The following MYO1E variants were observed in gnomAD, a reference collection of about 807,000 sequenced individuals.
MYO1E encodes unconventional myosin-Ie.
In MYO1E, 68 loss-of-function variants were observed where a neutral mutation model predicts 151.1. That is an observed-to-expected ratio of 0.45 (90% CI 0.37 to 0.55). The LOEUF (loss-of-function observed/expected upper bound fraction) is 0.55, where lower values mean the gene tolerates loss of function less well. Ranked by LOEUF, MYO1E falls within the 20% of genes least tolerant of loss-of-function variation. MYO1E has a pLI of 0.00. For synonymous variants in MYO1E, 601 were observed against 501.7 expected (o/e 1.20, Z -2.64); for missense variants, 1,363 against 1,389.3 (o/e 0.98, Z 0.30).
At chr15:59,182,882 G>A (rs1447999789) in intron 18 of MYO1E, among the ~76,000 whole-genome samples, 5 of 152,198 alleles carry the variant, frequency 3.3e-5, no homozygotes, top group South Asian at 2.1e-4. Flanking sequence ...TTCTATGGAC[G>A]GGGTTGTGGG....
chr15:59,336,740 C>T (rs1332191665), intron 1 of MYO1E, among the ~76,000 whole-genome samples: 1 of 151,954 alleles, frequency 6.6e-6, no homozygotes, highest in Non-Finnish European at 1.5e-5. Flanking sequence ...CCTACCCCTC[C>T]CCTAGCCCCC....
In MYO1E at chr15:59,178,459, C is replaced by G. The variant is rs753049686; in HGVS notation, c.1983G>C (p.Ser661=). The G allele has an allele frequency of 1.9e-6, 3 of 1,614,180 alleles. No individual in the cohort carries two copies. Among genetic ancestry groups the G allele is most frequent in the Admixed American group, 1.7e-5 (1 of 60,028 alleles). ...GGAACTGGTCGCTGTCCATGTTGAC[C>G]GACTGCAGCAGGTGCAGGACGCCTT... ...EKQGVLHLLQ[S]VNMDSDQFQL... is the part of the protein sequence containing the mutation. The change falls in exon 19 of 28, where the codon TCG becomes TCC. Residue 661 remains serine, a synonymous_variant. Coordinates refer to ENST00000288235, the MANE Select transcript of MYO1E (RefSeq NM_004998.4).
intron 1 of MYO1E, among the ~76,000 whole-genome samples, chr15:59,313,789 G>A (rs1222487816): frequency 1.3e-5 from 2 of 152,246 alleles, no homozygotes; most frequent in South Asian, 2.1e-4. Flanking sequence ...ATTATAGGGA[G>A]AGAGGGAGGG....
At chr15:59,366,916 G>GA (rs1234083660) in intron 1 of MYO1E, among the ~76,000 whole-genome samples, 2 of 78,972 alleles carry the variant, frequency 2.5e-5, no homozygotes, top group African/African-American at 1.0e-4. Flanking sequence ...GTGAGAAAAA[G>GA]AAAAAAAAAG....
At chr15:59,325,631 C>G (rs1454749364) in intron 1 of MYO1E, among the ~76,000 whole-genome samples, 2 of 152,142 alleles carry the variant, frequency 1.3e-5, no homozygotes, top group African/African-American at 4.8e-5. Flanking sequence ...TGAAGGAATA[C>G]TAAGATTTTT....
intron 15 of MYO1E, among the ~76,000 whole-genome samples, chr15:59,204,513 T>C (rs907640264): frequency 1.3e-5 from 2 of 152,222 alleles, no homozygotes; most frequent in Non-Finnish European, 2.9e-5. Flanking sequence ...TGCATGGGCC[T>C]TGCCTCGCAA....
chr15:59,209,197 G>A (rs979023729), intron 13 of MYO1E, among the ~76,000 whole-genome samples: 1 of 152,176 alleles, frequency 6.6e-6, no homozygotes, highest in Non-Finnish European at 1.5e-5. Context: ...ATTTCTTAAT[G>A]TTCTCTTTCA....
In MYO1E at chr15:59,223,185, T is replaced by A. The variant is rs1471326207; in HGVS notation, c.784A>T (p.Met262Leu). The A allele has an allele frequency of 1.2e-6, 2 of 1,614,140 alleles. No homozygotes were observed. Among genetic ancestry groups the A allele is most frequent in the Non-Finnish European group, 1.7e-6 (2 of 1,180,036 alleles). Residue 262 changes from methionine to leucine, a missense_variant, in exon 9 of 28, where the codon ATG becomes TTG. By Grantham distance (15) the Met-to-Leu change is conservative. Coordinates refer to ENST00000288235, the MANE Select transcript of MYO1E (RefSeq NM_004998.4). Reference protein sequence around the residue: ...RREFQETLHAMNVIGIFAEEQ... With the variant: ...RREFQETLHALNVIGIFAEEQ... ...TCTGCAAAGATCCCAATCACATTCA[T>A]GGCGTGCTGGAAGAGAAAAGAGAAA...
chr15:59,370,074 G>A (rs2080936238), intron 1 of MYO1E, among the ~76,000 whole-genome samples: 1 of 152,070 alleles, frequency 6.6e-6, no homozygotes, highest in African/African-American at 2.4e-5. Flanking sequence ...GCCTCCCAAA[G>A]TGCTGGGATT....
At position 59,132,614 on chromosome 15, in the gene MYO1E, C is replaced by A. The variant is rs1278758607; in HGVS notation, c.*4766G>T. 2 of 152,140 alleles carry A rather than the reference C, an allele frequency of 1.3e-5. No individual in the cohort carries two copies. Among genetic ancestry groups the A allele is most frequent in the Non-Finnish European group, 2.9e-5 (2 of 68,032 alleles). 9.4% of individuals were successfully genotyped at this position (152,140 alleles called of 1,614,324 possible). A position where few individuals can be genotyped will look rare whatever the true frequency, so the allele number is the denominator to read the frequency against. On this transcript the variant is annotated 3_prime_UTR_variant, in exon 28 of 28. Transcript: ENST00000288235. ...AGAAGTAGAAACCATATCATAAAAA[C>A]ACGGAAATTAAAAATGAGATGATGT...
At chr15:59,335,891 C>T (rs149308344) in intron 1 of MYO1E, among the ~76,000 whole-genome samples, 1 of 152,052 alleles carries the variant, frequency 6.6e-6, no homozygotes, top group East Asian at 1.9e-4. Context: ...ATAAGCGGTG[C>T]TGTCTGCACA....
At chr15:59,168,962 G>C (rs1429705032) in intron 22 of MYO1E, among the ~76,000 whole-genome samples, 1 of 152,168 alleles carries the variant, frequency 6.6e-6, no homozygotes, top group East Asian at 1.9e-4. Context: ...ATTATTAAAA[G>C]ATAAAGTCTC....
rs149955976 is a variant in MYO1E at position 59,343,804 on chromosome 15, G to A, written c.3+28694C>T. On this transcript the variant is annotated intron_variant, in intron 1 of 27. Coordinates refer to ENST00000288235, the MANE Select transcript of MYO1E (RefSeq NM_004998.4). The stretch of plus-strand genomic sequence containing the variant: ...AGTTCTGCTACTAACAGACTCTGAC[G>A]CATTCTTCAGTACGTCAATTGCATT... Among the ~76,000 whole-genome samples the A allele has an allele frequency of 3.5e-3, 528 of 151,980 alleles. 3 individuals carry two copies. Among genetic ancestry groups the A allele is most frequent in the African/African-American group, 0.012 (489 of 41,416 alleles).
chr15:59,267,036 T>G (rs1235609074), intron 2 of MYO1E: 2 of 140,600 alleles, frequency 1.4e-5, no homozygotes, highest in Non-Finnish European at 3.1e-5. Flanking sequence ...TTTTTTTTTT[T>G]TTTTTTTTGA....
At chr15:59,218,688 C>G (rs183963534) in intron 9 of MYO1E, among the ~76,000 whole-genome samples, 5 of 152,008 alleles carry the variant, frequency 3.3e-5, no homozygotes, top group Non-Finnish European at 5.9e-5. Context: ...AATAAAGAAC[C>G]CTTGGAAAAG....
intron 18 of MYO1E, among the ~76,000 whole-genome samples, chr15:59,186,528 G>A (rs565466796): frequency 1.4e-3 from 220 of 152,328 alleles, no homozygotes; most frequent in African/African-American, 5.0e-3. Context: ...CACTTTGGGA[G>A]GTTGAGGTGG....
chr15:59,319,395 G>A (rs1003339417), intron 1 of MYO1E, among the ~76,000 whole-genome samples: 3 of 151,776 alleles, frequency 2.0e-5, no homozygotes, highest in Admixed American at 1.3e-4. Context: ...GAAAATAAAT[G>A]CATATTTTAT....
intron 1 of MYO1E, 134 bp downstream of exon 1, chr15:59,372,364 C>G: frequency 9.1e-7 from 1 of 1,101,942 alleles, no homozygotes. Flanking sequence ...AATCAGAGCT[C>G]GCGACGTGCC....
chr15:59,137,712 T>A (rs746547408), intron 27 of MYO1E, among the ~76,000 whole-genome samples: 1 of 152,236 alleles, frequency 6.6e-6, no homozygotes, highest in African/African-American at 2.4e-5. Flanking sequence ...ACTTTCATTA[T>A]GAAGAAGCCA....
Sources: gnomAD v4.1 joint callset for allele counts (sites outside exome capture counted in the v4.1 genomes callset) on GRCh38, gnomAD v4.1.1 for gene constraint, MANE v1.5 for transcripts, NCBI Gene and HGNC (gene_info 2026-07-23, HGNC 2026-07-21) for gene names.